The following CERS3 variants were observed in gnomAD, a reference collection of about 807,000 sequenced individuals.
CERS3 encodes the protein LAG1 homolog, ceramide synthase 3.
A neutral mutation model predicts 50.3 loss-of-function variants in CERS3; 33 were observed. The ratio of observed to expected loss-of-function variants is 0.66; its 90% CI spans 0.50 to 0.88. The LOEUF (loss-of-function observed/expected upper bound fraction) is 0.88, where lower values mean the gene tolerates loss of function less well. CERS3 is among the 40% of genes least tolerant of loss of function. CERS3 has a pLI of 0.00. For missense variants in CERS3, 470 were observed against 460.3 expected (o/e 1.02, Z -0.19); for synonymous variants, 176 against 155.2 (o/e 1.13, Z -0.99).
chr15:100,419,659 C>G (rs892552586), intron 11 of CERS3, among the ~76,000 whole-genome samples: 6 of 151,440 alleles, frequency 4.0e-5, no homozygotes, highest in Non-Finnish European at 8.8e-5. Context: ...ACACCTATTC[C>G]AAAATTGAGC....
At chr15:100,529,340 T>C (rs1398345383), upstream of CERS3, 9 of 152,224 alleles carry the variant, frequency 5.9e-5, no homozygotes, top group Admixed American at 4.6e-4. Context: ...ATCACCACCA[T>C]GCCACAAAAC....
chr15:100,500,180 A>C (rs2035955434), intron 3 of CERS3: 1 of 152,240 alleles, frequency 6.6e-6, no homozygotes, highest in African/African-American at 2.4e-5. Context: ...ATGGCATTAA[A>C]AGAGATATGG....
intron 11 of CERS3, among the ~76,000 whole-genome samples, chr15:100,423,857 C>A (rs1021723233): frequency 1.3e-5 from 2 of 152,054 alleles, no homozygotes; most frequent in Admixed American, 6.6e-5. Flanking sequence ...AGGCCTCCCC[C>A]ACGATGTTAC....
intron 2 of CERS3, 126 bp from the exon 3 acceptor site, chr15:100,501,976 G>C (rs2036017729): frequency 2.2e-6 from 2 of 919,884 alleles, no homozygotes; most frequent in Non-Finnish European, 3.3e-6. Flanking sequence ...GCCTAGCGCA[G>C]TGGCTCACAC....
At chr15:100,517,434 A>G (rs1257277415) in intron 2 of CERS3, among the ~76,000 whole-genome samples, 1 of 152,118 alleles carries the variant, frequency 6.6e-6, no homozygotes, top group Non-Finnish European at 1.5e-5. Context: ...TCTGAGGGAT[A>G]GTGTCTTTTG....
chr15:100,482,518 T>C (rs551354207), intron 5 of CERS3, among the ~76,000 whole-genome samples: 9 of 152,264 alleles, frequency 5.9e-5, no homozygotes, highest in South Asian at 2.1e-4. Context: ...CCTGGATACC[T>C]AAGGACTTGG....
In CERS3 at chr15:100,494,287, G is replaced by A. The variant is rs772140320; in HGVS notation, c.174-3356C>T. Among the ~76,000 whole-genome samples the A allele has an allele frequency of 1.5e-4, 20 of 132,724 alleles. No individual in the cohort carries two copies. In the South Asian group the frequency reaches 2.8e-3, roughly 18 times the overall value. 87.1% of individuals were successfully genotyped at this position (132,724 alleles called of 152,430 possible). On this transcript the variant is annotated intron_variant, in intron 3 of 11. Coordinates refer to ENST00000679737, the MANE Select transcript of CERS3 (RefSeq NM_001378789.1). ...TTTTGAGATGGAGTCTTGCACTGTC[G>A]CCCAGGCTGGAGTGCAGTGGCATGA...
At chr15:100,444,132 G>T (rs1378613605) in intron 11 of CERS3, among the ~76,000 whole-genome samples, 1 of 152,136 alleles carries the variant, frequency 6.6e-6, no homozygotes, top group Non-Finnish European at 1.5e-5. Context: ...TTTCAGGCTG[G>T]CCATCATGTC....
chr15:100,539,962 A>C (rs2037160801), intron 1 of CERS3, among the ~76,000 whole-genome samples: 5 of 152,162 alleles, frequency 3.3e-5, no homozygotes. Flanking sequence ...ATTACCAAGT[A>C]ATCTCAAAAC....
At chr15:100,476,956 G>A (rs1042643916) in intron 7 of CERS3, among the ~76,000 whole-genome samples, 2 of 152,100 alleles carry the variant, frequency 1.3e-5, no homozygotes, top group Non-Finnish European at 2.9e-5. Context: ...TGCTGAAGAG[G>A]CCACAAAGAA....
chr15:100,483,876 G>T (rs2035403598), intron 5 of CERS3, among the ~76,000 whole-genome samples: 1 of 148,320 alleles, frequency 6.7e-6, no homozygotes, highest in Non-Finnish European at 1.5e-5. Context: ...CGCCTCCCAG[G>T]TTCACGCCAT....
chr15:100,544,280 G>T (rs1003360142), intron 1 of CERS3: 2 of 152,088 alleles, frequency 1.3e-5, no homozygotes, highest in Non-Finnish European at 2.9e-5. Flanking sequence ...CCCAGTACAC[G>T]GGGGCTGCCG....
chr15:100,420,651 A>G (rs954257875), intron 11 of CERS3, among the ~76,000 whole-genome samples: 3 of 151,630 alleles, frequency 2.0e-5, no homozygotes, highest in African/African-American at 4.8e-5. Context: ...TTAGACCAAT[A>G]TCCTTGATGA....
At chr15:100,533,566 T>C (rs1211824044), upstream of CERS3, among the ~76,000 whole-genome samples, 16 of 36,846 alleles carry the variant, frequency 4.3e-4, no homozygotes, top group Non-Finnish European at 9.2e-4. Context: ...CTCTCTCTTT[T>C]TTTTTTTTTT....
chr15:100,483,901 C>T (rs894013582), intron 5 of CERS3, among the ~76,000 whole-genome samples: 2 of 150,512 alleles, frequency 1.3e-5, no homozygotes, highest in Non-Finnish European at 3.0e-5. Context: ...CTGCCTCAGC[C>T]TCCCGAGTAG....
At chr15:100,526,289 A>G (rs755105718) in intron 1 of CERS3, among the ~76,000 whole-genome samples, 3 of 152,200 alleles carry the variant, frequency 2.0e-5, no homozygotes, top group Non-Finnish European at 4.4e-5. Context: ...GAGGGCTTGG[A>G]AAGTCCAAGC....
At chr15:100,404,083 G>A (rs1359930909) in intron 11 of CERS3, among the ~76,000 whole-genome samples, 2 of 152,178 alleles carry the variant, frequency 1.3e-5, no homozygotes, top group African/African-American at 4.8e-5. Context: ...GAATGATGCA[G>A]TTACAAGCCA....
intron 11 of CERS3, among the ~76,000 whole-genome samples, chr15:100,448,258 A>G (rs2034017753): frequency 2.0e-5 from 3 of 152,224 alleles, no homozygotes; most frequent in African/African-American, 7.2e-5. Context: ...AATAGCGAGT[A>G]GATAATCACA....
intron 3 of CERS3, among the ~76,000 whole-genome samples, chr15:100,494,332 C>G (rs1668510820): frequency 6.7e-6 from 1 of 149,628 alleles, no homozygotes; most frequent in Non-Finnish European, 1.5e-5. Context: ...ACTGCAAGCT[C>G]CACCTCCCAG....
Sources: gnomAD v4.1 joint callset for allele counts (sites outside exome capture counted in the v4.1 genomes callset) on GRCh38, gnomAD v4.1.1 for gene constraint, MANE v1.5 for transcripts, NCBI Gene and HGNC (gene_info 2026-07-23, HGNC 2026-07-21) for gene names.